Variants in FBXL13 observed in about 807,000 individuals in gnomAD.
FBXL13 encodes F-box and leucine-rich repeat protein 13.
Under a neutral mutation model 83.6 loss-of-function variants are expected in FBXL13, and 67 were observed. The observed-to-expected ratio is 0.80, with a 90% CI of 0.66 to 0.98. FBXL13 has a LOEUF of 0.98. Ranked by LOEUF, FBXL13 falls within the 50% of genes least tolerant of loss-of-function variation. The pLI is 0.00. For missense variants in FBXL13, 822 were observed against 866.5 expected (o/e 0.95, Z 0.64); for synonymous variants, 272 against 299.5 (o/e 0.91, Z 0.95).
intron 6 of FBXL13, among the ~76,000 whole-genome samples, chr7:102,982,725 G>A (rs1358509281): frequency 6.6e-6 from 1 of 152,126 alleles, no homozygotes; most frequent in African/African-American, 2.4e-5. Flanking sequence ...TTGCAACCAT[G>A]ATTGTGAGGC....
At chr7:103,052,141 C>T (rs1250881824) in intron 2 of FBXL13, among the ~76,000 whole-genome samples, 1 of 152,166 alleles carries the variant, frequency 6.6e-6, no homozygotes, top group African/African-American at 2.4e-5. Context: ...TATTCATAAC[C>T]TTTGAAGTTT....
chr7:102,976,736 C>A (rs1827525872), intron 6 of FBXL13, among the ~76,000 whole-genome samples: 1 of 152,140 alleles, frequency 6.6e-6, no homozygotes, highest in Non-Finnish European at 1.5e-5. Context: ...AGGCCTAACG[C>A]CTATCATTTC....
At chr7:103,019,049 C>G (rs1792776099) in intron 6 of FBXL13, among the ~76,000 whole-genome samples, 1 of 152,154 alleles carries the variant, frequency 6.6e-6, no homozygotes, top group Admixed American at 6.5e-5. Flanking sequence ...AGCACTTATT[C>G]CAAAATTGAT....
At chr7:103,022,485 A>C (rs1195239993) in intron 6 of FBXL13, among the ~76,000 whole-genome samples, 1 of 152,212 alleles carries the variant, frequency 6.6e-6, no homozygotes, top group Non-Finnish European at 1.5e-5. Context: ...ATAAAAAAAA[A>C]AACCAGAAAT....
At chr7:102,980,307 A>C (rs1828032738) in intron 6 of FBXL13, among the ~76,000 whole-genome samples, 1 of 152,230 alleles carries the variant, frequency 6.6e-6, no homozygotes, top group African/African-American at 2.4e-5. Context: ...AAATCCATAC[A>C]TCATGGCCAA....
chr7:102,882,747 G>A (rs575645698), intron 14 of FBXL13, among the ~76,000 whole-genome samples: 2 of 150,360 alleles, frequency 1.3e-5, no homozygotes, highest in South Asian at 4.3e-4. Context: ...GGGCAACAGA[G>A]CGAGACTCTG....
intron 4 of FBXL13, among the ~76,000 whole-genome samples, 189 bp from the exon 6 acceptor site, chr7:103,027,747 G>A (rs1419575138): frequency 6.6e-6 from 1 of 152,130 alleles, no homozygotes; most frequent in East Asian, 1.9e-4. Context: ...TACGAACTGG[G>A]AAACATCACC....
chr7:102,819,432 A>G (rs1798494471), intron 19 of FBXL13, among the ~76,000 whole-genome samples: 1 of 152,104 alleles, frequency 6.6e-6, no homozygotes, highest in Non-Finnish European at 1.5e-5. Context: ...GCTACAGCCA[A>G]TTTGCTCATT....
intron 18 of FBXL13, among the ~76,000 whole-genome samples, chr7:102,830,606 C>T (rs1258136947): frequency 3.3e-5 from 5 of 152,166 alleles, no homozygotes; most frequent in East Asian, 1.9e-4. Flanking sequence ...AGTTTTGTCA[C>T]GGTTTACCAC....
intron 8 of FBXL13, among the ~76,000 whole-genome samples, chr7:102,937,590 T>C (rs923488968): frequency 2.6e-5 from 4 of 152,042 alleles, no homozygotes; most frequent in Non-Finnish European, 4.4e-5. Context: ...TATATAAATC[T>C]AGTGATTCAT....
At chr7:102,881,320 C>T (rs1309055383) in intron 14 of FBXL13, among the ~76,000 whole-genome samples, 1 of 150,954 alleles carries the variant, frequency 6.6e-6, no homozygotes, top group Non-Finnish European at 1.5e-5. Context: ...TGGTGGGTGC[C>T]TGTCTACTTG....
At chr7:102,920,177 T>C (rs1816704164) in intron 10 of FBXL13, among the ~76,000 whole-genome samples, 1 of 152,190 alleles carries the variant, frequency 6.6e-6, no homozygotes, top group Non-Finnish European at 1.5e-5. Context: ...AAATGCCTGT[T>C]AAAGTATGTT....
chr7:102,831,451 C>T (rs1038936015), intron 18 of FBXL13, among the ~76,000 whole-genome samples: 2 of 150,966 alleles, frequency 1.3e-5, no homozygotes, highest in African/African-American at 4.9e-5. Flanking sequence ...AGAGAGTTAT[C>T]TTGTCCAAAA....
At chr7:103,015,671 C>A (rs1468390734) in intron 6 of FBXL13, among the ~76,000 whole-genome samples, 1 of 151,910 alleles carries the variant, frequency 6.6e-6, no homozygotes, top group Non-Finnish European at 1.5e-5. Flanking sequence ...GTGGCCCATG[C>A]CTGTAATTCC....
chr7:102,881,057 A>G (rs1261273886), intron 14 of FBXL13, among the ~76,000 whole-genome samples: 1 of 152,228 alleles, frequency 6.6e-6, no homozygotes, highest in Non-Finnish European at 1.5e-5. Context: ...TCAGCAGTAT[A>G]TTGAAAATAT....
At chr7:102,946,105 C>T (rs1217617894) in intron 8 of FBXL13, among the ~76,000 whole-genome samples, 1 of 152,198 alleles carries the variant, frequency 6.6e-6, no homozygotes, top group Non-Finnish European at 1.5e-5. Flanking sequence ...TGGTCTTGAA[C>T]TCCTGACTTC....
At chr7:102,834,056 G>A in intron 17 of FBXL13, among the ~76,000 whole-genome samples, 9 of 109,634 alleles carry the variant, frequency 8.2e-5, no homozygotes, top group South Asian at 3.0e-4. Flanking sequence ...AAGGAAGGAA[G>A]GAAGGAAGGA....
chr7:102,812,818 T>C (rs1797506525), downstream of FBXL13, among the ~76,000 whole-genome samples: 1 of 151,742 alleles, frequency 6.6e-6, no homozygotes, highest in African/African-American at 2.4e-5. Flanking sequence ...AAATTTTGTG[T>C]AGTCAGTACT....
At chr7:102,993,411 T>C (rs1161499338) in intron 6 of FBXL13, among the ~76,000 whole-genome samples, 2 of 152,222 alleles carry the variant, frequency 1.3e-5, no homozygotes, top group African/African-American at 2.4e-5. Flanking sequence ...CAAGTCCACA[T>C]GACATATATC....
Sources: allele counts gnomAD v4.1 joint callset (sites outside exome capture counted in the v4.1 genomes callset), GRCh38; gene constraint gnomAD v4.1.1; transcripts MANE v1.5; gene names NCBI Gene and HGNC (gene_info 2026-07-23, HGNC 2026-07-21).